Variants in XCL1 observed in about 807,000 individuals in gnomAD.
XCL1 encodes X-C motif chemokine ligand 1, also known as lymphotactin.
A neutral mutation model predicts 7.4 loss-of-function variants in XCL1; 6 were observed. The observed-to-expected ratio is 0.82, with a 90% CI of 0.45 to 1.61. The LOEUF is 1.61. Ranked by LOEUF, XCL1 falls within the 40% of genes most tolerant of loss-of-function variation. The pLI is 0.01. For missense variants in XCL1, 122 were observed against 138.2 expected (o/e 0.88, Z 0.59); for synonymous variants, 48 against 52.4 (o/e 0.92, Z 0.36).
Position 168,581,316 on chromosome 1 carries a change from C to T in XCL1, c.*96C>T. On this transcript the variant is annotated 3_prime_UTR_variant, in exon 3 of 3. Coordinates refer to ENST00000367818, the MANE Select transcript of XCL1 (RefSeq NM_002995.3). ...ATACTCACCTTTTATGAAAGCACTG[C>T]ATGAATAAAATTATTCCTTTGTATT... is the stretch of plus-strand genomic sequence containing the variant. 6.9e-7 allele frequency: 1 copy of T among 1,454,614 alleles called. No individual in the cohort carries two copies. The highest frequency in any genetic ancestry group is 9.2e-7 in the Non-Finnish European group (1 of 1,089,548). The allele number at this position is 1,454,614 out of a possible 1,614,324, so 90.1% of individuals were successfully genotyped here.
chr1:168,580,358 A>G (rs1655133240), intron 2 of XCL1, among the ~76,000 whole-genome samples, 181 bp downstream of exon 2: 1 of 152,218 alleles, frequency 6.6e-6, no homozygotes, highest in Non-Finnish European at 1.5e-5. Flanking sequence ...CCGAATAGCG[A>G]TTATTGCAGA....
intron 1 of XCL1, among the ~76,000 whole-genome samples, chr1:168,577,991 C>T (rs1655065420): frequency 6.6e-6 from 1 of 152,202 alleles, no homozygotes; most frequent in Non-Finnish European, 1.5e-5. Context: ...GACACTCAAA[C>T]ATTGCTGACA....
intron 1 of XCL1, chr1:168,579,005 A>ATAGT (rs1377666332): frequency 2.4e-6 from 1 of 412,508 alleles, no homozygotes; most frequent in East Asian, 6.6e-5. Context: ...CAAGGTGGTG[A>ATAGT]TAGTGTTAAC....
rs1381931836 is a variant in XCL1, at chr1:168,581,689, AG to A, written c.*470del. The A allele has an allele frequency of 6.6e-6, 1 of 152,308 alleles. No homozygotes were observed. Among genetic ancestry groups the A allele is most frequent in the African/African-American group, 2.4e-5 (1 of 41,476 alleles). The allele number at this position is 152,308 out of a possible 1,614,324, so 9.4% of individuals were successfully genotyped here. ...TATAGAATAAGGGAGAAAATAATCCAGTCTTCACTGGGTTCCCATTCTGAGG... is the reference window on the plus strand; with the variant it reads ...TATAGAATAAGGGAGAAAATAATCCATCTTCACTGGGTTCCCATTCTGAGG... On this transcript the variant is annotated 3_prime_UTR_variant, in exon 3 of 3. Transcript: ENST00000367818.
intron 1 of XCL1, among the ~76,000 whole-genome samples, chr1:168,577,036 T>C (rs573425058): frequency 1.3e-5 from 2 of 152,364 alleles, no homozygotes; most frequent in East Asian, 3.8e-4. Flanking sequence ...TATTATGGTT[T>C]ATTTAATAAC....
intron 1 of XCL1, chr1:168,578,866 C>T (rs1655087018): frequency 2.5e-6 from 1 of 402,480 alleles, no homozygotes; most frequent in Non-Finnish European, 4.8e-6. Flanking sequence ...ATGTCCCAGT[C>T]TTGCCTTCTT....
rs1339243550 is a variant in XCL1, at chr1:168,581,537, A to G, written c.*317A>G. On this transcript the variant is annotated 3_prime_UTR_variant, in exon 3 of 3. Coordinates refer to ENST00000367818, the MANE Select transcript of XCL1 (RefSeq NM_002995.3). ...TCTGGCTAGTGTCTATCAGAGGTGA[A>G]AGCTATATCAATCTCTCTTAGAGTC... 1 of 190,752 alleles carries G rather than the reference A, an allele frequency of 5.2e-6. No individual in the cohort carries two copies. The highest frequency in any genetic ancestry group is 1.1e-5 in the Non-Finnish European group (1 of 94,766). The allele number at this position is 190,752 out of a possible 1,614,324, so 11.8% of individuals were successfully genotyped here. A position where few individuals can be genotyped will look rare whatever the true frequency, so the allele number is the denominator to read the frequency against.
At chr1:168,576,839 T>C in intron 1 of XCL1, 141 bp downstream of exon 1, 3 of 1,108,994 alleles carry the variant, frequency 2.7e-6, no homozygotes, top group Non-Finnish European at 3.9e-6. Flanking sequence ...AAGAAAGGAA[T>C]GATGATTTTG....
In XCL1 at chr1:168,576,767, T is replaced by G. The variant is rs1655033873; in HGVS notation, c.61+69T>G. 1.9e-6 allele frequency: 3 copies of G among 1,610,564 alleles called. No homozygotes were observed. In the African/African-American group the frequency reaches 4.0e-5, roughly 21 times the overall value. On this transcript the variant is annotated intron_variant, in intron 1 of 2. Coordinates refer to ENST00000367818, the MANE Select transcript of XCL1 (RefSeq NM_002995.3). Reference sequence around the variant, plus strand: ...GGCAGGTGGGCACACATTTTGGGTTTGACTCAGGTTATGACTGGACTAACC... The same window carrying G: ...GGCAGGTGGGCACACATTTTGGGTTGGACTCAGGTTATGACTGGACTAACC...
At chr1:168,580,833 T>C (rs1400147891) in intron 2 of XCL1, among the ~76,000 whole-genome samples, 2 of 152,192 alleles carry the variant, frequency 1.3e-5, no homozygotes, top group Non-Finnish European at 2.9e-5. Context: ...CTGTGAATTA[T>C]TGTGAACAAA....
At chr1:168,578,905 C>T in intron 1 of XCL1, 1 of 375,278 alleles carries the variant, frequency 2.7e-6, no homozygotes, top group South Asian at 2.1e-5. Flanking sequence ...AAGGGACCCC[C>T]CATTTTAGGA....
intron 2 of XCL1, among the ~76,000 whole-genome samples, 154 bp from the exon 3 acceptor site, chr1:168,580,898 A>G (rs993097486): frequency 1.3e-5 from 2 of 152,194 alleles, no homozygotes; most frequent in Non-Finnish European, 2.9e-5. Flanking sequence ...AGATGGCAGA[A>G]GAAGGGTACT....
rs574011653 is a variant in XCL1 at position 168,580,878 on chromosome 1, A to G, written c.177-174A>G. ...TACTACTTGCAGATATTACTCCTTT[A>G]TGTTAAAATAGATGGCAGAAGAAGG... is the stretch of plus-strand genomic sequence containing the variant. On this transcript the variant is annotated intron_variant, in intron 2 of 2. Coordinates refer to ENST00000367818, the MANE Select transcript of XCL1 (RefSeq NM_002995.3). Among the ~76,000 whole-genome samples, 8 of 152,276 alleles carry G rather than the reference A, an allele frequency of 5.3e-5. No homozygotes were observed. In the South Asian group the frequency reaches 1.7e-3, roughly 32 times the overall value.
rs765239309 is a variant in XCL1, at chr1:168,580,188, C to T, written c.176+11C>T. On this transcript the variant is annotated intron_variant, in intron 2 of 2. Transcript: ENST00000367818. ...CTTGAGAGCAGTAATGTGAGTCTGC[C>T]TCCTCAGAAGTTGTGCTGGGTGGGT... 1.9e-6 allele frequency: 3 copies of T among 1,613,032 alleles called. No homozygotes were observed. Among genetic ancestry groups the T allele is most frequent in the South Asian group, 1.1e-5 (1 of 90,932 alleles).
In XCL1 at chr1:168,579,543, G is replaced by A. The variant is rs193173000; in HGVS notation, c.62-520G>A. ...TCCTTCCCTCACTGAATGTTGCCTT[G>A]CCTAGAGTACTCTTCACGCATTACT... On this transcript the variant is annotated intron_variant, in intron 1 of 2. Coordinates refer to ENST00000367818, the MANE Select transcript of XCL1 (RefSeq NM_002995.3). 184 of 174,952 alleles carry A rather than the reference G, an allele frequency of 1.1e-3. 1 individual carries two copies. The highest frequency in any genetic ancestry group is 1.6e-3 in the Non-Finnish European group (132 of 82,454). The allele number at this position is 174,952 out of a possible 1,614,324, so 10.8% of individuals were successfully genotyped here. A position where few individuals can be genotyped will look rare whatever the true frequency, so the allele number is the denominator to read the frequency against.
rs1412385032 is a variant in XCL1 at position 168,580,068 on chromosome 1, G to T, written c.67G>T (p.Gly23Trp). ...TGTTTTTTTTTCCTCACCAGGTGTA[G>T]GGAGTGAAGTCTCAGATAAGAGGAC... ...SLTAYIVEGV[G>W]SEVSDKRTCV... is the part of the protein sequence containing the mutation. Residue 23 changes from glycine (G) to tryptophan (W), a missense_variant, in exon 2 of 3, where the codon GGG becomes TGG. Transcript: ENST00000367818. 1 of 1,612,704 alleles carries T rather than the reference G, an allele frequency of 6.2e-7. No individual in the cohort carries two copies. The highest frequency in any genetic ancestry group is 8.5e-7 in the Non-Finnish European group (1 of 1,179,250).
In XCL1 at chr1:168,581,510, A is replaced by G. The variant is rs1000396385; in HGVS notation, c.*290A>G. The G allele has an allele frequency of 5.7e-5, 13 of 229,458 alleles. No individual in the cohort carries two copies. The highest frequency in any genetic ancestry group is 9.0e-5 in the Non-Finnish European group (11 of 121,602). 14.2% of individuals were successfully genotyped at this position (229,458 alleles called of 1,614,324 possible). A position where few individuals can be genotyped will look rare whatever the true frequency, so the allele number is the denominator to read the frequency against. On this transcript the variant is annotated 3_prime_UTR_variant, in exon 3 of 3. Transcript: ENST00000367818. ...TTTGATGGTAACCATAATGGAAGAG[A>G]TTCTGGCTAGTGTCTATCAGAGGTG... is the stretch of plus-strand genomic sequence containing the variant.
intron 1 of XCL1, chr1:168,579,465 A>G (rs1655102703): frequency 2.2e-5 from 4 of 183,170 alleles, no homozygotes; most frequent in Middle Eastern, 2.3e-3. Flanking sequence ...AGAGAGAGAC[A>G]TTTGACCATT....
intron 2 of XCL1, among the ~76,000 whole-genome samples, 158 bp from the exon 3 acceptor site, chr1:168,580,894 C>A (rs544538992): frequency 3.5e-4 from 54 of 152,218 alleles, no homozygotes; most frequent in African/African-American, 1.2e-3. Context: ...AAATAGATGG[C>A]AGAAGAAGGG....
Sources: gnomAD v4.1 joint callset for allele counts (sites outside exome capture counted in the v4.1 genomes callset) on GRCh38, gnomAD v4.1.1 for gene constraint, MANE v1.5 for transcripts, NCBI Gene and HGNC (gene_info 2026-07-23, HGNC 2026-07-21) for gene names.